B3GALT1: variants seen among roughly 807,000 people sequenced by gnomAD.
B3GALT1 encodes UDP-Gal:betaGlcNAc beta 1,3-galactosyltransferase, polypeptide 1.
Under a neutral mutation model 23.2 loss-of-function variants are expected in B3GALT1, and 10 were observed. The observed-to-expected ratio is 0.43, with a 90% CI of 0.27 to 0.73. The LOEUF (loss-of-function observed/expected upper bound fraction) is 0.73, where lower values mean the gene tolerates loss of function less well. Among genes scored for constraint, B3GALT1 ranks in the 30% least tolerant of loss-of-function variants. The pLI, the probability that B3GALT1 is intolerant of heterozygous loss-of-function variation, is 0.21. For missense variants in B3GALT1, 299 were observed against 405.4 expected, an observed-to-expected ratio of 0.74 and a Z score of 2.25; for synonymous variants, 156 against 141.5, an observed-to-expected ratio of 1.10 and a Z score of -0.73.
Position 167,622,435 on chromosome 2 carries a change from C to A in B3GALT1, c.-409-24474C>A, listed in dbSNP as rs1279554283. On this transcript the variant is annotated intron_variant, in intron 2 of 4. Coordinates refer to ENST00000392690, the MANE Select transcript of B3GALT1 (RefSeq NM_020981.4). ...TTAAGCATGAGGACAAAAGGCAATG[C>A]CCTGAGGAAATATATTAAAAATCTA... Among the ~76,000 whole-genome samples, 3 of 151,986 alleles carry A rather than the reference C, an allele frequency of 2.0e-5. No individual in the cohort carries two copies. In the East Asian group the frequency reaches 5.8e-4, roughly 29 times the overall value.
intron 4 of B3GALT1, among the ~76,000 whole-genome samples, chr2:167,849,084 CACAA>C (rs1460887914): frequency 1.3e-5 from 2 of 152,144 alleles, no homozygotes; most frequent in Admixed American, 6.5e-5. Flanking sequence ...TCACAGACAA[CACAA>C]ACAAACGGAA....
chr2:167,335,151 A>G (rs1352110793), intron 1 of B3GALT1, among the ~76,000 whole-genome samples: 1 of 151,738 alleles, frequency 6.6e-6, no homozygotes, highest in East Asian at 1.9e-4. Context: ...TTTCTGTCTT[A>G]GTTCTTGATC....
chr2:167,633,772 A>G (rs991985096), intron 2 of B3GALT1, among the ~76,000 whole-genome samples: 2 of 152,152 alleles, frequency 1.3e-5, no homozygotes, highest in African/African-American at 4.8e-5. Context: ...CACTGTCAAT[A>G]TTAGACAGAA....
intron 4 of B3GALT1, among the ~76,000 whole-genome samples, chr2:167,860,990 A>G (rs917837784): frequency 3.9e-5 from 6 of 152,206 alleles, no homozygotes; most frequent in Non-Finnish European, 8.8e-5. Flanking sequence ...ACCGAAACCC[A>G]AGAAATTACT....
chr2:167,467,296 T>C (rs1699363757), intron 1 of B3GALT1, among the ~76,000 whole-genome samples: 1 of 152,080 alleles, frequency 6.6e-6, no homozygotes, highest in Non-Finnish European at 1.5e-5. Context: ...AAAACCCAAG[T>C]ATTCTTTTGG....
At chr2:167,714,974 A>C in intron 3 of B3GALT1, 1 of 1,611,658 alleles carries the variant, frequency 6.2e-7, no homozygotes, top group Non-Finnish European at 8.5e-7. Context: ...TTCTGACTGC[A>C]AAGATGCTTG....
intron 2 of B3GALT1, among the ~76,000 whole-genome samples, chr2:167,518,610 C>A (rs1194944977): frequency 6.6e-6 from 1 of 152,130 alleles, no homozygotes; most frequent in Non-Finnish European, 1.5e-5. Flanking sequence ...ACTGTTCTTA[C>A]AAAGTTTTAT....
At chr2:167,422,020 C>G (rs1698552729) in intron 1 of B3GALT1, among the ~76,000 whole-genome samples, 2 of 148,398 alleles carry the variant, frequency 1.3e-5, no homozygotes, top group Admixed American at 6.8e-5. Flanking sequence ...GAAATGGGGC[C>G]TCTAGGAGGT....
At chr2:167,761,047 T>G (rs1242988304) in intron 3 of B3GALT1, among the ~76,000 whole-genome samples, 1 of 152,208 alleles carries the variant, frequency 6.6e-6, no homozygotes, top group African/African-American at 2.4e-5. Context: ...GAAAAGACTC[T>G]ATGGTGGGGC....
At chr2:167,421,559 G>T (rs1436726945) in intron 1 of B3GALT1, among the ~76,000 whole-genome samples, 3 of 152,134 alleles carry the variant, frequency 2.0e-5, no homozygotes, top group African/African-American at 7.2e-5. Flanking sequence ...ATGAGACAAA[G>T]CTTTACAAAT....
At chr2:167,597,361 C>T (rs1429770036) in intron 2 of B3GALT1, among the ~76,000 whole-genome samples, 2 of 151,962 alleles carry the variant, frequency 1.3e-5, no homozygotes, top group African/African-American at 4.8e-5. Flanking sequence ...ATGATCTGCC[C>T]GCCTTGGCCT....
chr2:167,665,677 C>T (rs1211027337), intron 3 of B3GALT1, among the ~76,000 whole-genome samples: 7 of 152,064 alleles, frequency 4.6e-5, no homozygotes, highest in Non-Finnish European at 1.0e-4. Flanking sequence ...CAACTTCTTC[C>T]TGGTTTAGTC....
rs182257375 is a variant in B3GALT1 at position 167,542,546 on chromosome 2, A to G, written c.-410+52269A>G. Among the ~76,000 whole-genome samples, 28 of 152,294 alleles carry G rather than the reference A, an allele frequency of 1.8e-4. No homozygotes were observed. The East Asian group carries it at 5.2e-3, about 28-fold the overall frequency. On this transcript the variant is annotated intron_variant, in intron 2 of 4. Transcript: ENST00000392690. The stretch of plus-strand genomic sequence containing the variant: ...AGGGGCTTTTGCTTGTTTTATGCCA[A>G]TAAAATGAGATATAAATTCAGCAGA...
At chr2:167,569,817 A>T (rs965144502) in intron 2 of B3GALT1, among the ~76,000 whole-genome samples, 2 of 151,880 alleles carry the variant, frequency 1.3e-5, no homozygotes, top group African/African-American at 4.8e-5. Flanking sequence ...TATTCTTCTT[A>T]AGTTGAGGAA....
chr2:167,764,857 C>T (rs1427287622), intron 3 of B3GALT1, among the ~76,000 whole-genome samples: 2 of 152,062 alleles, frequency 1.3e-5, no homozygotes, highest in African/African-American at 4.8e-5. Flanking sequence ...AGACTGACTG[C>T]TTGGGGGTAA....
At chr2:167,559,652 A>G (rs991098727) in intron 2 of B3GALT1, among the ~76,000 whole-genome samples, 6 of 152,252 alleles carry the variant, frequency 3.9e-5, no homozygotes, top group Non-Finnish European at 8.8e-5. Flanking sequence ...GAACTACGTG[A>G]AGAATGCAGA....
chr2:167,615,356 A>T (rs1224449775), intron 2 of B3GALT1, among the ~76,000 whole-genome samples: 1 of 151,992 alleles, frequency 6.6e-6, no homozygotes, highest in Non-Finnish European at 1.5e-5. Context: ...CAAAGGGTAG[A>T]ATGATGGTTA....
At chr2:167,663,771 C>G (rs1345639804) in intron 3 of B3GALT1, among the ~76,000 whole-genome samples, 152 of 152,008 alleles carry the variant, frequency 1.0e-3, no homozygotes, top group African/African-American at 3.1e-3. Flanking sequence ...TTTGAGAAGT[C>G]TCTGTTCATG....
chr2:167,517,890 A>G (rs192911276), intron 2 of B3GALT1, among the ~76,000 whole-genome samples: 112 of 152,176 alleles, frequency 7.4e-4, no homozygotes, highest in African/African-American at 2.6e-3. Flanking sequence ...CTTAACTCTA[A>G]TTTTATGAAC....
Sources: allele counts gnomAD v4.1 joint callset (sites outside exome capture counted in the v4.1 genomes callset), GRCh38; gene constraint gnomAD v4.1.1; transcripts MANE v1.5; gene names NCBI Gene and HGNC (gene_info 2026-07-23, HGNC 2026-07-21).